DNMBP: variants seen among roughly 807,000 people sequenced by gnomAD.
DNMBP encodes the protein dynamin-binding protein.
Under a neutral mutation model 150.0 loss-of-function variants are expected in DNMBP, and 87 were observed. The ratio of observed to expected loss-of-function variants is 0.58; its 90% CI spans 0.49 to 0.69. DNMBP has a LOEUF of 0.69. Among genes scored for constraint, DNMBP ranks in the 30% least tolerant of loss-of-function variants. DNMBP has a pLI of 0.00. For synonymous variants in DNMBP, 711 were observed against 750.4 expected (o/e 0.95, Z 0.86); for missense variants, 1,774 against 1,949.0 (o/e 0.91, Z 1.69).
chr10:99,896,226 C>G, intron 10 of DNMBP, 41 bp downstream of exon 10: 2 of 1,605,634 alleles, frequency 1.2e-6, no homozygotes, highest in East Asian at 2.2e-5. Context: ...CCCTGAAAAG[C>G]TGTCAAAGAT....
chr10:99,918,105 C>T (rs1468955385), intron 4 of DNMBP, among the ~76,000 whole-genome samples: 4 of 151,916 alleles, frequency 2.6e-5, no homozygotes, highest in African/African-American at 9.7e-5. Flanking sequence ...TGAGAGGAGG[C>T]GATTTGTCTG....
At chr10:99,927,321 G>A (rs2040092036) in intron 4 of DNMBP, 1 of 152,258 alleles carries the variant, frequency 6.6e-6, no homozygotes, top group Middle Eastern at 3.2e-3. Flanking sequence ...AACTTATAAA[G>A]GGGAAGGGAG....
intron 1 of DNMBP, among the ~76,000 whole-genome samples, chr10:99,992,671 C>T (rs944753061): frequency 4.6e-5 from 7 of 151,310 alleles, no homozygotes; most frequent in Non-Finnish European, 3.0e-5. Flanking sequence ...GGACTATAGG[C>T]GCCCGCCACT....
intron 14 of DNMBP, among the ~76,000 whole-genome samples, chr10:99,885,141 G>T (rs1018101730): frequency 6.6e-6 from 1 of 152,110 alleles, no homozygotes; most frequent in African/African-American, 2.4e-5. Flanking sequence ...AATAGGCCTG[G>T]CAGAATTAAT....
At position 99,909,135 on chromosome 10, in the gene DNMBP, G is replaced by A. The variant is rs1019947777; in HGVS notation, c.2272C>T (p.Leu758Phe). The change falls in exon 5 of 17, where the codon CTC (leucine) becomes TTC (phenylalanine). Residue 758 changes from leucine to phenylalanine, a missense_variant. Leu to Phe is a conservative substitution (Grantham distance 22). This residue lies in a region of DNMBP where 1,430 missense variants were observed against 1,492.5 expected (regional missense o/e 0.96). Transcript: ENST00000324109. The part of the protein sequence containing the change: ...ELQQLREMTL[L>F]SSQSSSLVAP... ...ACCAGTGATGAAGACTGGGAGGAGA[G>A]GAGCGTCATTTCTAGAAGGGAAAAG... 52 of 1,613,000 alleles carry A rather than the reference G, an allele frequency of 3.2e-5. No homozygotes were observed. The highest frequency in any genetic ancestry group is 4.4e-5 in the Non-Finnish European group (52 of 1,179,740).
intron 5 of DNMBP, 41 bp downstream of exon 5, chr10:99,908,912 C>A: frequency 6.4e-7 from 1 of 1,569,200 alleles, no homozygotes; most frequent in East Asian, 2.3e-5. Flanking sequence ...GCCTGGAGGA[C>A]CATATTCAAG....
chr10:99,909,274 G>T, intron 4 of DNMBP, 128 bp from the exon 5 acceptor site: 1 of 702,226 alleles, frequency 1.4e-6, no homozygotes, highest in Non-Finnish European at 2.3e-6. Context: ...CAGGAAATCA[G>T]ATCGCACATG....
chr10:99,981,889 T>C (rs1335574142), intron 1 of DNMBP, among the ~76,000 whole-genome samples: 1 of 152,220 alleles, frequency 6.6e-6, no homozygotes, highest in African/African-American at 2.4e-5. Flanking sequence ...ACACCACAGC[T>C]ACCATATGAA....
rs1310486827 is a variant in DNMBP at position 99,955,124 on chromosome 10, T to C, written c.2260+90A>G. ...TAAATCATTTTTTGTCCATCGAGGA[T>C]GGTAACATATCCCTAAAAAGCCTGG... is the stretch of plus-strand genomic sequence containing the variant. On this transcript the variant is annotated intron_variant, in intron 4 of 16. Transcript: ENST00000324109. The C allele has an allele frequency of 3.7e-6, 4 of 1,077,184 alleles. No homozygotes were observed. In the African/African-American group the frequency reaches 6.3e-5, roughly 17 times the overall value. The allele number at this position is 1,077,184 out of a possible 1,614,324, so 66.7% of individuals were successfully genotyped here.
At chr10:99,890,066 T>TATCA (rs2039533868) in intron 11 of DNMBP, among the ~76,000 whole-genome samples, 1 of 152,238 alleles carries the variant, frequency 6.6e-6, no homozygotes, top group Non-Finnish European at 1.5e-5. Context: ...TTTATTTTTA[T>TATCA]ATCATTTTTA....
chr10:99,916,692 T>TA (rs1241033504), intron 4 of DNMBP, among the ~76,000 whole-genome samples: 7 of 152,090 alleles, frequency 4.6e-5, no homozygotes, highest in East Asian at 3.9e-4. Flanking sequence ...TTATCTACTT[T>TA]AAAAAAAATC....
intron 4 of DNMBP, among the ~76,000 whole-genome samples, chr10:99,934,656 G>A (rs1270128107): frequency 7.4e-6 from 1 of 136,004 alleles, no homozygotes; most frequent in African/African-American, 2.8e-5. Context: ...TAAAAGTTTG[G>A]CCCGGGGAGG....
chr10:99,912,032 A>G (rs1466640227), intron 4 of DNMBP, among the ~76,000 whole-genome samples: 1 of 152,198 alleles, frequency 6.6e-6, no homozygotes, highest in Non-Finnish European at 1.5e-5. Flanking sequence ...TTTACAGATT[A>G]TATCCCTGAA....
chr10:99,962,130 G>A (rs906877414), intron 3 of DNMBP, among the ~76,000 whole-genome samples: 6 of 152,028 alleles, frequency 3.9e-5, no homozygotes, highest in Non-Finnish European at 5.9e-5. Context: ...AGAAATTATT[G>A]TCTATATCAT....
intron 1 of DNMBP, among the ~76,000 whole-genome samples, chr10:99,980,115 G>A (rs1698791860): frequency 2.6e-5 from 4 of 152,190 alleles, no homozygotes; most frequent in African/African-American, 9.7e-5. Context: ...AGCCATGAGA[G>A]TAAATGTATC....
chr10:99,889,239 G>C (rs11596617), intron 11 of DNMBP: 85,553 of 229,068 alleles, frequency 0.37, 17,085 homozygotes, highest in Middle Eastern at 0.45. Context: ...TTACCAAAAA[G>C]CAAATTATCA....
At chr10:99,888,793 G>C (rs1445206328) in intron 12 of DNMBP, 32 bp downstream of exon 12, 1 of 1,612,920 alleles carries the variant, frequency 6.2e-7, no homozygotes, top group Admixed American at 1.7e-5. Context: ...ACCCTGGGAA[G>C]GGGGCCAACT....
intron 1 of DNMBP, among the ~76,000 whole-genome samples, chr10:99,989,594 C>T (rs2040865040): frequency 6.6e-6 from 1 of 152,150 alleles, no homozygotes; most frequent in Non-Finnish European, 1.5e-5. Context: ...ACCTGTGATC[C>T]CAGCTATTTG....
At chr10:99,930,272 C>T (rs548766822) in intron 4 of DNMBP, 1 of 702,948 alleles carries the variant, frequency 1.4e-6, no homozygotes, top group African/African-American at 1.7e-5. Flanking sequence ...AAGAATCATC[C>T]AAACCCCTAC....
Sources: gnomAD v4.1 joint callset for allele counts (sites outside exome capture counted in the v4.1 genomes callset) on GRCh38, gnomAD v4.1.1 for gene constraint, gnomAD v4.1.1 regional missense constraint, MANE v1.5 for transcripts, NCBI Gene and HGNC (gene_info 2026-07-23, HGNC 2026-07-21) for gene names.